ROR1: variants seen among roughly 807,000 people sequenced by gnomAD.
The protein encoded by ROR1 is ROR family WNT receptor 1.
ROR1 carries 19 observed loss-of-function variants against 78.8 expected under a neutral mutation model. That is an observed-to-expected ratio of 0.24 (90% confidence interval 0.17 to 0.35). The LOEUF is 0.35. Ranked by LOEUF, ROR1 falls within the 10% of genes least tolerant of loss-of-function variation. The pLI, the probability that ROR1 is intolerant of heterozygous loss-of-function variation, is 1.00. For missense variants in ROR1, 917 were observed against 1,177.8 expected (o/e 0.78, Z 3.24); for synonymous variants, 386 against 433.6 (o/e 0.89, Z 1.36).
chr1:64,140,038 A>G (rs1415476292), intron 5 of ROR1, 71 bp from the exon 6 acceptor site: 1 of 1,385,310 alleles, frequency 7.2e-7, no homozygotes, highest in Non-Finnish European at 1.0e-6. Context: ...TATATCTGAT[A>G]TCCGTTGACT....
chr1:64,041,562 A>G (rs958448236), intron 2 of ROR1, among the ~76,000 whole-genome samples: 1 of 152,186 alleles, frequency 6.6e-6, no homozygotes, highest in African/African-American at 2.4e-5. Flanking sequence ...GTCTTTCCCC[A>G]TTAACCCTGA....
chr1:63,800,703 A>G (rs1326325543), intron 1 of ROR1, among the ~76,000 whole-genome samples: 1 of 152,190 alleles, frequency 6.6e-6, no homozygotes, highest in Non-Finnish European at 1.5e-5. Flanking sequence ...GACTTACTGA[A>G]TCAGACACTG....
intron 1 of ROR1, among the ~76,000 whole-genome samples, chr1:64,008,589 A>G (rs752336358): frequency 6.6e-6 from 1 of 152,152 alleles, no homozygotes; most frequent in Non-Finnish European, 1.5e-5. Flanking sequence ...ACAGTGTATT[A>G]GCATTCCGTT....
At chr1:64,171,171 C>T in intron 8 of ROR1, 1 of 175,444 alleles carries the variant, frequency 5.7e-6, no homozygotes, top group Admixed American at 6.2e-5. Flanking sequence ...TAAAGACACA[C>T]CTGAGACTGG....
intron 4 of ROR1, among the ~76,000 whole-genome samples, chr1:64,084,210 T>G (rs1420341622): frequency 6.6e-6 from 1 of 152,174 alleles, no homozygotes; most frequent in Non-Finnish European, 1.5e-5. Flanking sequence ...ATAAAGATGA[T>G]AAAAATATCC....
chr1:63,962,947 G>A (rs1396475224), intron 1 of ROR1, among the ~76,000 whole-genome samples: 1 of 152,136 alleles, frequency 6.6e-6, no homozygotes, highest in Non-Finnish European at 1.5e-5. Flanking sequence ...GGTGAAGGCT[G>A]GAACTTGGAC....
chr1:64,175,003 TG>T (rs1003539771), intron 8 of ROR1, among the ~76,000 whole-genome samples: 10 of 149,600 alleles, frequency 6.7e-5, no homozygotes, highest in African/African-American at 1.7e-4. Context: ...ATTCGCCTAT[TG>T]TTTTTTTTTT....
intron 1 of ROR1, among the ~76,000 whole-genome samples, chr1:63,984,704 A>G (rs1364145601): frequency 6.6e-6 from 1 of 152,166 alleles, no homozygotes; most frequent in African/African-American, 2.4e-5. Context: ...CTGGAATTGC[A>G]TTTAGGATCC....
At chr1:63,997,142 G>A (rs1646343108) in intron 1 of ROR1, among the ~76,000 whole-genome samples, 1 of 152,134 alleles carries the variant, frequency 6.6e-6, no homozygotes, top group South Asian at 2.1e-4. Flanking sequence ...TGAGAATCAA[G>A]GCTGAAAAGG....
At chr1:63,779,855 A>G (rs1271105143) in intron 1 of ROR1, among the ~76,000 whole-genome samples, 3 of 152,012 alleles carry the variant, frequency 2.0e-5, no homozygotes, top group Non-Finnish European at 4.4e-5. Flanking sequence ...ATGGACATCC[A>G]TAGGACCTGA....
chr1:63,863,501 G>A (rs1479409809), intron 1 of ROR1, among the ~76,000 whole-genome samples: 8 of 152,142 alleles, frequency 5.3e-5, no homozygotes, highest in Non-Finnish European at 1.2e-4. Flanking sequence ...CAGAATGATC[G>A]TGATCACTGA....
intron 1 of ROR1, among the ~76,000 whole-genome samples, chr1:63,948,017 T>G (rs1278615355): frequency 5.9e-5 from 9 of 152,198 alleles, no homozygotes; most frequent in Non-Finnish European, 1.3e-4. Flanking sequence ...TAACACTGCA[T>G]TGGGTACTGC....
chr1:64,120,580 C>T (rs958219724), intron 4 of ROR1, among the ~76,000 whole-genome samples: 1 of 151,864 alleles, frequency 6.6e-6, no homozygotes, highest in Non-Finnish European at 1.5e-5. Flanking sequence ...CAGTTTGAGC[C>T]CACCACATTC....
chr1:64,118,139 G>A (rs1408594235), intron 4 of ROR1, among the ~76,000 whole-genome samples: 1 of 152,190 alleles, frequency 6.6e-6, no homozygotes, highest in African/African-American at 2.4e-5. Context: ...GTAGGTCAAG[G>A]TTGCAGTGAG....
At chr1:63,826,026 G>A (rs1644951051) in intron 1 of ROR1, among the ~76,000 whole-genome samples, 1 of 152,162 alleles carries the variant, frequency 6.6e-6, no homozygotes, top group Non-Finnish European at 1.5e-5. Context: ...AGAAAACATA[G>A]TAGTGGCAGT....
At chr1:64,148,185 A>G (rs987787856) in intron 7 of ROR1, among the ~76,000 whole-genome samples, 1 of 152,216 alleles carries the variant, frequency 6.6e-6, no homozygotes, top group South Asian at 2.1e-4. Flanking sequence ...CCCTAGGAGT[A>G]GGTTTTATTA....
At position 64,177,727 on chromosome 1, in the gene ROR1, G is replaced by A. The variant is rs760789417; in HGVS notation, c.1686G>A (p.Glu562=). Residue 562 remains glutamate (E), a synonymous_variant, in exon 9 of 9, where the codon GAG becomes GAA. Coordinates refer to ENST00000371079, the MANE Select transcript of ROR1 (RefSeq NM_005012.4). ...ATATTAATCAGGGGGATCTCCATGA[G>A]TTCCTCATCATGAGATCCCCACACT... is the stretch of plus-strand genomic sequence containing the variant. ...FEYINQGDLH[E]FLIMRSPHSD... The A allele has an allele frequency of 1.5e-5, 24 of 1,614,144 alleles. No individual in the cohort carries two copies. The East Asian group carries it at 3.1e-4, about 21-fold the overall frequency.
chr1:63,843,048 G>T, intron 1 of ROR1: 1 of 478,662 alleles, frequency 2.1e-6, no homozygotes, highest in East Asian at 4.0e-5. Context: ...GGGGGGATCT[G>T]TTTGGCAACT....
chr1:64,120,588 TTCA>T (rs905847440), intron 4 of ROR1, among the ~76,000 whole-genome samples: 2 of 152,098 alleles, frequency 1.3e-5, no homozygotes, highest in African/African-American at 2.4e-5. Flanking sequence ...GCCCACCACA[TTCA>T]AATGCTCAAA....
Sources: gnomAD v4.1 joint callset for allele counts (sites outside exome capture counted in the v4.1 genomes callset) on GRCh38, gnomAD v4.1.1 for gene constraint, MANE v1.5 for transcripts, NCBI Gene and HGNC (gene_info 2026-07-23, HGNC 2026-07-21) for gene names.